Variants in ROBO1 observed in about 807,000 individuals in gnomAD.
The protein encoded by ROBO1 is roundabout homolog 1.
In ROBO1, 149 loss-of-function variants were observed where a neutral mutation model predicts 195.9. That is an observed-to-expected ratio of 0.76 (90% CI 0.67 to 0.87). The LOEUF is 0.87. Ranked by LOEUF, ROBO1 falls within the 40% of genes least tolerant of loss-of-function variation. The pLI is 0.00. For synonymous variants in ROBO1, 816 were observed against 733.2 expected, an observed-to-expected ratio of 1.11 and a Z score of -1.82; for missense variants, 1,933 against 2,068.3, an observed-to-expected ratio of 0.93 and a Z score of 1.27.
At chr3:79,091,435 A>C (rs1409714762) in intron 3 of ROBO1, among the ~76,000 whole-genome samples, 1 of 152,166 alleles carries the variant, frequency 6.6e-6, no homozygotes, top group Middle Eastern at 3.2e-3. Context: ...TAAAGTATAA[A>C]ATAATTCCAT....
Position 79,333,060 on chromosome 3 carries a change from A to AG in ROBO1, c.89-207522dup, listed in dbSNP as rs548067519. On this transcript the variant is annotated intron_variant, in intron 2 of 30. Transcript: ENST00000464233. Reference sequence around the variant, plus strand: ...CTGCTGAAAATACAAAAAATTAGCCAGGGGGGGTAGCATGCGCCTGTAGTC... The same window carrying AG: ...CTGCTGAAAATACAAAAAATTAGCCAGGGGGGGGTAGCATGCGCCTGTAGTC... 5.6e-4 allele frequency among the ~76,000 whole-genome samples: 85 copies of AG among 151,440 alleles called. 2 individuals are homozygous for AG. In the East Asian group the frequency reaches 0.014, roughly 26 times the overall value.
At chr3:79,286,651 GA>G (rs1046171810) in intron 2 of ROBO1, among the ~76,000 whole-genome samples, 2 of 152,096 alleles carry the variant, frequency 1.3e-5, no homozygotes, top group African/African-American at 4.8e-5. Flanking sequence ...GGAAGTATGA[GA>G]AATGAACAGA....
At chr3:79,764,012 T>C (rs1000255751) in intron 1 of ROBO1, among the ~76,000 whole-genome samples, 2 of 152,200 alleles carry the variant, frequency 1.3e-5, no homozygotes, top group African/African-American at 4.8e-5. Flanking sequence ...GAGAAAGAAC[T>C]TGTTTTTAAT....
At chr3:79,619,184 A>G (rs940013350) in intron 1 of ROBO1, among the ~76,000 whole-genome samples, 5 of 152,104 alleles carry the variant, frequency 3.3e-5, no homozygotes, top group Non-Finnish European at 7.4e-5. Flanking sequence ...TCATTCACCC[A>G]CATTCCCTTA....
intron 2 of ROBO1, among the ~76,000 whole-genome samples, chr3:79,431,918 G>A (rs1338181434): frequency 6.6e-6 from 1 of 151,928 alleles, no homozygotes; most frequent in East Asian, 1.9e-4. Context: ...CACTGCTTGG[G>A]ACTAAGGACA....
chr3:78,711,440 TTTCCTTCCTTCCTTCC>T lies in ROBO1; in HGVS notation c.1045+2941_1045+2956del, dbSNP rs138527299. Among the ~76,000 whole-genome samples the T allele has an allele frequency of 6.2e-3, 258 of 41,636 alleles. 33 individuals carry two copies. The highest frequency in any genetic ancestry group is 0.02 in the African/African-American group (248 of 12,596). The allele number at this position is 41,636 out of a possible 152,430, so 27.3% of individuals were successfully genotyped here. On this transcript the variant is annotated intron_variant, in intron 8 of 30. Coordinates refer to ENST00000464233, the MANE Select transcript of ROBO1 (RefSeq NM_002941.4). ...CTTTCTTTCTTTCTTTCTTTCTTTC[TTTCCTTCCTTCCTTCC>T]TTCCTTCCTTTTCTCTCTTTCTCTC...
chr3:79,070,881 A>G (rs934758835), intron 3 of ROBO1, among the ~76,000 whole-genome samples: 3 of 151,634 alleles, frequency 2.0e-5, no homozygotes, highest in African/African-American at 4.8e-5. Flanking sequence ...TTGACTCTAT[A>G]GCTAATTCTT....
At chr3:79,550,163 G>T in intron 2 of ROBO1, among the ~76,000 whole-genome samples, 1 of 106,692 alleles carries the variant, frequency 9.4e-6, no homozygotes, top group African/African-American at 4.9e-5. Context: ...AAGAAAGAAA[G>T]AAAGGAAGAA....
At chr3:78,992,924 C>CA (rs746871674) in intron 3 of ROBO1, among the ~76,000 whole-genome samples, 9 of 151,996 alleles carry the variant, frequency 5.9e-5, no homozygotes, top group Non-Finnish European at 1.0e-4. Flanking sequence ...GCAGTAAGGA[C>CA]AAAAGAACAC....
At chr3:79,054,901 C>A (rs145158024) in intron 3 of ROBO1, among the ~76,000 whole-genome samples, 2 of 152,262 alleles carry the variant, frequency 1.3e-5, no homozygotes, top group South Asian at 2.1e-4. Context: ...CCCAACGCAG[C>A]CTCCAGCACA....
At chr3:79,306,920 G>T (rs1012426849) in intron 2 of ROBO1, among the ~76,000 whole-genome samples, 1 of 152,190 alleles carries the variant, frequency 6.6e-6, no homozygotes, top group African/African-American at 2.4e-5. Flanking sequence ...TATGATGCCA[G>T]ATTATTCAAG....
chr3:79,057,357 C>T (rs1180358018), intron 3 of ROBO1, among the ~76,000 whole-genome samples: 1 of 152,014 alleles, frequency 6.6e-6, no homozygotes, highest in Admixed American at 6.6e-5. Flanking sequence ...GATCATCAAT[C>T]CCCTGTCTGG....
chr3:79,498,527 TA>T (rs1939873478), intron 2 of ROBO1, among the ~76,000 whole-genome samples: 1 of 152,160 alleles, frequency 6.6e-6, no homozygotes, highest in Non-Finnish European at 1.5e-5. Context: ...AAAAACAGTT[TA>T]AAAATATGGT....
chr3:79,607,902 T>G (rs1944539783), intron 1 of ROBO1, among the ~76,000 whole-genome samples: 1 of 152,000 alleles, frequency 6.6e-6, no homozygotes, highest in Non-Finnish European at 1.5e-5. Flanking sequence ...TGTTGAATAT[T>G]TGCAGTCATT....
At chr3:79,636,185 T>C (rs1290343863) in intron 1 of ROBO1, among the ~76,000 whole-genome samples, 1 of 152,190 alleles carries the variant, frequency 6.6e-6, no homozygotes, top group Non-Finnish European at 1.5e-5. Context: ...GATATTGTAC[T>C]CTGGCTTCCT....
chr3:79,584,175 T>TA (rs1176569224), intron 2 of ROBO1, among the ~76,000 whole-genome samples: 2 of 151,322 alleles, frequency 1.3e-5, no homozygotes, highest in Non-Finnish European at 2.9e-5. Flanking sequence ...AAGATGAACT[T>TA]ATTTTATCTA....
At chr3:79,273,427 G>T (rs952131253) in intron 2 of ROBO1, among the ~76,000 whole-genome samples, 4 of 151,986 alleles carry the variant, frequency 2.6e-5, no homozygotes, top group Admixed American at 1.3e-4. Context: ...TGCAATAAAT[G>T]TTAAGTTGTC....
At chr3:79,290,176 G>C (rs1382907983) in intron 2 of ROBO1, among the ~76,000 whole-genome samples, 1 of 151,936 alleles carries the variant, frequency 6.6e-6, no homozygotes, top group Non-Finnish European at 1.5e-5. Context: ...GTAGCTGGGA[G>C]TAGTCCGCCA....
chr3:79,682,471 A>G (rs1226573968), intron 1 of ROBO1, among the ~76,000 whole-genome samples: 6 of 152,054 alleles, frequency 3.9e-5, no homozygotes, highest in African/African-American at 1.4e-4. Flanking sequence ...AATTATGGAC[A>G]CCACTCTGCC....
Sources: allele counts gnomAD v4.1 joint callset (sites outside exome capture counted in the v4.1 genomes callset), GRCh38; gene constraint gnomAD v4.1.1; transcripts MANE v1.5; gene names NCBI Gene and HGNC (gene_info 2026-07-23, HGNC 2026-07-21).